The following NBAS variants were observed in gnomAD, a reference collection of about 807,000 sequenced individuals.
NBAS encodes NAG/BC035112 fusion.
In NBAS, 219 loss-of-function variants were observed where a neutral mutation model predicts 302.5. That is an observed-to-expected ratio of 0.72 (90% CI 0.65 to 0.81). The LOEUF is 0.81. Among genes scored for constraint, NBAS ranks in the 30% least tolerant of loss-of-function variants. The pLI is 0.00. For missense variants in NBAS, 2,932 were observed against 2,841.6 expected, an observed-to-expected ratio of 1.03 and a Z score of -0.72; for synonymous variants, 1,118 against 1,021.6, an observed-to-expected ratio of 1.09 and a Z score of -1.80.
the NBAS span, among the ~76,000 whole-genome samples, chr2:15,148,328 G>A: frequency 3.9e-5 from 6 of 152,170 alleles, no homozygotes; most frequent in African/African-American, 1.4e-4. Flanking sequence ...GGGAGAAAGA[G>A]AGTTATCAGT....
the NBAS span, among the ~76,000 whole-genome samples, chr2:14,955,234 C>G: frequency 6.6e-6 from 1 of 152,246 alleles, no homozygotes; most frequent in South Asian, 2.1e-4. Context: ...CTCCATGTCT[C>G]ACATCCAGGT....
At chr2:15,224,481 T>C (rs1667076911) in intron 47 of NBAS, among the ~76,000 whole-genome samples, 1 of 152,190 alleles carries the variant, frequency 6.6e-6, no homozygotes. Context: ...GAAGGAACAT[T>C]AGGTCTCTTC....
At chr2:14,783,800 T>C in the NBAS span, among the ~76,000 whole-genome samples, 8 of 152,224 alleles carry the variant, frequency 5.3e-5, no homozygotes, top group Middle Eastern at 3.4e-3. Context: ...TATGTCTTTA[T>C]AGCAGCATGA....
chr2:14,906,740 G>A, the NBAS span, among the ~76,000 whole-genome samples: 2 of 152,134 alleles, frequency 1.3e-5, no homozygotes, highest in African/African-American at 2.4e-5. Context: ...ATTATTCTCC[G>A]ATTTTTCTGA....
chr2:15,011,100 C>T, the NBAS span, among the ~76,000 whole-genome samples: 986 of 152,244 alleles, frequency 6.5e-3, 6 homozygotes, highest in Non-Finnish European at 9.5e-3. Context: ...AGCATTTCAC[C>T]TTGATATATG....
At chr2:15,452,777 A>C (rs1240392620) in intron 21 of NBAS, among the ~76,000 whole-genome samples, 1 of 152,186 alleles carries the variant, frequency 6.6e-6, no homozygotes, top group Non-Finnish European at 1.5e-5. Context: ...AGCCAACAAC[A>C]GGTTTCCTTT....
At chr2:15,343,966 GA>G (rs78326538) in intron 35 of NBAS, among the ~76,000 whole-genome samples, 10,307 of 85,110 alleles carry the variant, frequency 0.12, 889 homozygotes, top group African/African-American at 0.3. Flanking sequence ...TCATAAATCT[GA>G]AAAAAAAAAA....
At chr2:15,461,401 T>G (rs899383240) in intron 20 of NBAS, 64 bp from the exon 21 acceptor site, 1 of 1,563,088 alleles carries the variant, frequency 6.4e-7, no homozygotes, top group Non-Finnish European at 8.8e-7. Context: ...TGATTTTATA[T>G]GACAACATTC....
chr2:15,376,255 TCA>T (rs1674731850), intron 30 of NBAS, among the ~76,000 whole-genome samples: 1 of 151,120 alleles, frequency 6.6e-6, no homozygotes, highest in African/African-American at 2.5e-5. Flanking sequence ...CAGGTCACAA[TCA>T]GTTTGGTACC....
intron 44 of NBAS, among the ~76,000 whole-genome samples, chr2:15,267,644 T>A (rs867297639): frequency 6.6e-6 from 1 of 152,114 alleles, no homozygotes; most frequent in African/African-American, 2.4e-5. Flanking sequence ...ACGAAAAAGA[T>A]CACAAGATCT....
At chr2:15,056,095 T>C in the NBAS span, among the ~76,000 whole-genome samples, 19 of 31,500 alleles carry the variant, frequency 6.0e-4, no homozygotes, top group South Asian at 0.037. Context: ...TAGAGTCTCC[T>C]GGAAGTAAAA....
At chr2:15,150,821 A>C in the NBAS span, among the ~76,000 whole-genome samples, 2 of 152,344 alleles carry the variant, frequency 1.3e-5, no homozygotes, top group East Asian at 3.9e-4. Flanking sequence ...GCTCTGTGAC[A>C]AATTTCACTG....
intron 47 of NBAS, among the ~76,000 whole-genome samples, chr2:15,219,536 A>G (rs1444591860): frequency 7.4e-6 from 1 of 135,122 alleles, no homozygotes; most frequent in Non-Finnish European, 1.6e-5. Context: ...CTTAACGAGC[A>G]TGCTGCCTTC....
the NBAS span, among the ~76,000 whole-genome samples, chr2:15,012,965 C>T: frequency 1.3e-5 from 2 of 152,176 alleles, no homozygotes; most frequent in Admixed American, 6.5e-5. Flanking sequence ...TCAAGCAATT[C>T]TCCCACCTCA....
At chr2:15,275,121 T>C (rs957674879) in intron 44 of NBAS, among the ~76,000 whole-genome samples, 2 of 152,102 alleles carry the variant, frequency 1.3e-5, no homozygotes, top group African/African-American at 2.4e-5. Flanking sequence ...CCAAGCTAAG[T>C]TGTTAGCCTG....
chr2:15,294,656 C>T (rs760947806), intron 40 of NBAS, among the ~76,000 whole-genome samples: 1 of 152,198 alleles, frequency 6.6e-6, no homozygotes, highest in African/African-American at 2.4e-5. Context: ...GTGTGCACTG[C>T]CGTGGCCTGC....
the NBAS span, among the ~76,000 whole-genome samples, chr2:14,849,996 G>A: frequency 1.1e-3 from 154 of 139,310 alleles, 7 homozygotes; most frequent in Non-Finnish European, 1.9e-3. Flanking sequence ...GTAGACAATC[G>A]AGACTAGGAA....
the NBAS span, among the ~76,000 whole-genome samples, chr2:14,910,083 T>C: frequency 6.6e-6 from 1 of 152,200 alleles, no homozygotes; most frequent in Non-Finnish European, 1.5e-5. Context: ...GGGAGAGTTC[T>C]AGGTTCATTT....
chr2:15,185,875 A>T (rs985061461), intron 50 of NBAS, among the ~76,000 whole-genome samples: 1 of 152,130 alleles, frequency 6.6e-6, no homozygotes, highest in African/African-American at 2.4e-5. Context: ...GATTTAAAGG[A>T]TCATATTTAC....
Sources: allele counts gnomAD v4.1 joint callset (sites outside exome capture counted in the v4.1 genomes callset), GRCh38; gene constraint gnomAD v4.1.1; transcripts MANE v1.5; gene names NCBI Gene and HGNC (gene_info 2026-07-23, HGNC 2026-07-21).